VEPH1: variants seen among roughly 807,000 people sequenced by gnomAD.
VEPH1 encodes the protein ventricular zone expressed PH domain containing 1, also known as ventricular zone-expressed PH domain-containing protein homolog 1.
VEPH1 carries 80 observed loss-of-function variants against 85.2 expected under a neutral mutation model. The observed-to-expected ratio is 0.94, with a 90% CI of 0.78 to 1.13. The LOEUF is 1.13. VEPH1 is among the 50% of genes most tolerant of loss of function. VEPH1 has a pLI of 0.00. For synonymous variants in VEPH1, 297 were observed against 348.0 expected, an observed-to-expected ratio of 0.85 and a Z score of 1.63; for missense variants, 955 against 980.5, an observed-to-expected ratio of 0.97 and a Z score of 0.35.
intron 4 of VEPH1, chr3:157,442,902 T>G: frequency 6.2e-7 from 1 of 1,614,150 alleles, no homozygotes; most frequent in Non-Finnish European, 8.5e-7. Context: ...AGCAGAGTCT[T>G]GTCACATCCG....
At position 157,413,897 on chromosome 3, in the gene VEPH1, A is replaced by G. The variant is rs1731706169; in HGVS notation, c.890T>C (p.Val297Ala). ...TGQMARIYGAVGHVDEERARS... is the reference protein window; with the variant it reads ...TGQMARIYGAAGHVDEERARS... ...CAAACTTACTTCATCCACATGCCCAACAGCTCCATAAATCCTTGCCATCTG... is the reference window on the plus strand; with the variant it reads ...CAAACTTACTTCATCCACATGCCCAGCAGCTCCATAAATCCTTGCCATCTG... Residue 297 changes from valine (V) to alanine (A), a missense_variant, in exon 6 of 14, where the codon GTT becomes GCT. Physicochemically the swap from Val to Ala is moderately conservative, Grantham distance 64. Transcript: ENST00000362010. 2.5e-6 allele frequency: 4 copies of G among 1,613,394 alleles called. No individual in the cohort carries two copies. The Admixed American group carries it at 5.0e-5, about 20-fold the overall frequency.
At chr3:157,403,332 C>A (rs1337445166) in intron 6 of VEPH1, among the ~76,000 whole-genome samples, 1 of 152,082 alleles carries the variant, frequency 6.6e-6, no homozygotes, top group Non-Finnish European at 1.5e-5. Flanking sequence ...TCCGTGTAAA[C>A]CATTATTTAG....
At chr3:157,292,978 C>A in intron 11 of VEPH1, among the ~76,000 whole-genome samples, 2 of 121,672 alleles carry the variant, frequency 1.6e-5, no homozygotes, top group African/African-American at 6.3e-5. Flanking sequence ...AGCAAAACTC[C>A]ACCTCAAAAA....
intron 9 of VEPH1, among the ~76,000 whole-genome samples, chr3:157,361,082 A>G (rs1726002787): frequency 6.6e-6 from 1 of 152,222 alleles, no homozygotes; most frequent in Non-Finnish European, 1.5e-5. Context: ...CTTATATTAA[A>G]TTCTCCAACT....
intron 6 of VEPH1, among the ~76,000 whole-genome samples, chr3:157,397,078 T>A (rs1190846017): frequency 6.6e-6 from 1 of 152,220 alleles, no homozygotes; most frequent in African/African-American, 2.4e-5. Context: ...GGGTTTTACA[T>A]TTAAGTCTTT....
At chr3:157,339,789 T>G (rs1209464906) in intron 9 of VEPH1, among the ~76,000 whole-genome samples, 1 of 152,192 alleles carries the variant, frequency 6.6e-6, no homozygotes, top group African/African-American at 2.4e-5. Flanking sequence ...TTAGACCCCT[T>G]GACTCACTGA....
In VEPH1 at chr3:157,327,809, C is replaced by T. The variant is rs1387233795; in HGVS notation, c.1736-10608G>A. Among the ~76,000 whole-genome samples, 4 of 152,310 alleles carry T rather than the reference C, an allele frequency of 2.6e-5. No homozygotes were observed. In the East Asian group the frequency reaches 7.7e-4, roughly 29 times the overall value. ...GTTACTATTAAAGAACAGAGTACGA[C>T]TTGCCCATTAACCTATTCAAATCAG... On this transcript the variant is annotated intron_variant, in intron 9 of 13. Coordinates refer to ENST00000362010, the MANE Select transcript of VEPH1 (RefSeq NM_001167912.2).
At chr3:157,445,802 AAAC>A (rs761084479) in intron 4 of VEPH1, among the ~76,000 whole-genome samples, 8 of 152,162 alleles carry the variant, frequency 5.3e-5, no homozygotes, top group Admixed American at 2.0e-4. Flanking sequence ...AAGCAAAACA[AAAC>A]AACAACAACA....
intron 9 of VEPH1, among the ~76,000 whole-genome samples, chr3:157,329,000 T>C (rs537638597): frequency 6.6e-6 from 1 of 152,196 alleles, no homozygotes; most frequent in Non-Finnish European, 1.5e-5. Context: ...TTGACTCTAG[T>C]GCCCGTTATA....
At chr3:157,321,694 A>G (rs1304665716) in intron 9 of VEPH1, among the ~76,000 whole-genome samples, 1 of 152,152 alleles carries the variant, frequency 6.6e-6, no homozygotes, top group Non-Finnish European at 1.5e-5. Context: ...ACAGAGTTTT[A>G]TGGGTAGATT....
In VEPH1 at chr3:157,451,065, T is replaced by C. The variant is rs557162395; in HGVS notation, c.529+9116A>G. On this transcript the variant is annotated intron_variant, in intron 4 of 13. Coordinates refer to ENST00000362010, the MANE Select transcript of VEPH1 (RefSeq NM_001167912.2). ...CTGTCCTTGTCTGGTATTGATATCA[T>C]GGTATTGATATCCTGGCTATACTAG... 3.9e-5 allele frequency among the ~76,000 whole-genome samples: 6 copies of C among 152,360 alleles called. No individual in the cohort carries two copies. The South Asian group carries it at 1.0e-3, about 26-fold the overall frequency.
intron 9 of VEPH1, 148 bp from the exon 10 acceptor site, chr3:157,317,349 G>A: frequency 3.7e-6 from 2 of 545,178 alleles, no homozygotes; most frequent in Non-Finnish European, 5.7e-6. Context: ...ATATTTGAGA[G>A]GGGATCCATT....
intron 11 of VEPH1, among the ~76,000 whole-genome samples, chr3:157,304,019 T>TATATATA (rs71872669): frequency 2.3e-4 from 12 of 52,252 alleles, no homozygotes; most frequent in African/African-American, 5.1e-4. Context: ...TCATCTTATA[T>TATATATA]TTTTTATATA....
chr3:157,272,656 G>T (rs1291096858), intron 12 of VEPH1, among the ~76,000 whole-genome samples: 1 of 151,526 alleles, frequency 6.6e-6, no homozygotes, highest in Non-Finnish European at 1.5e-5. Context: ...GTAGAAATGG[G>T]GTTAGGCCAT....
intron 4 of VEPH1, among the ~76,000 whole-genome samples, chr3:157,444,782 T>A (rs941187561): frequency 6.6e-5 from 10 of 152,240 alleles, no homozygotes; most frequent in African/African-American, 2.4e-4. Context: ...AACTTTTAAT[T>A]TTTTTAAGTA....
chr3:157,367,005 T>C (rs538620449), intron 7 of VEPH1, among the ~76,000 whole-genome samples: 5 of 152,256 alleles, frequency 3.3e-5, no homozygotes, highest in African/African-American at 1.2e-4. Flanking sequence ...AATTCACCTG[T>C]AGGTCCAGCC....
intron 11 of VEPH1, among the ~76,000 whole-genome samples, chr3:157,291,359 T>G (rs1717453002): frequency 6.6e-6 from 1 of 152,354 alleles, no homozygotes; most frequent in East Asian, 1.9e-4. Context: ...TGTCTTAAAT[T>G]GTTATAGGCA....
chr3:157,434,859 A>C (rs1399961962), intron 4 of VEPH1, among the ~76,000 whole-genome samples: 1 of 152,072 alleles, frequency 6.6e-6, no homozygotes, highest in Admixed American at 6.5e-5. Context: ...CCTTAAACTT[A>C]TAACAAATAT....
intron 5 of VEPH1, among the ~76,000 whole-genome samples, chr3:157,427,587 C>T (rs887590499): frequency 2.0e-5 from 3 of 152,122 alleles, no homozygotes; most frequent in Non-Finnish European, 4.4e-5. Flanking sequence ...TCCTGAGTCG[C>T]TGGGACTACA....
Sources: allele counts gnomAD v4.1 joint callset (sites outside exome capture counted in the v4.1 genomes callset), GRCh38; gene constraint gnomAD v4.1.1; transcripts MANE v1.5; gene names NCBI Gene and HGNC (gene_info 2026-07-23, HGNC 2026-07-21).